ARHGAP15: variants seen among roughly 807,000 people sequenced by gnomAD.
ARHGAP15 encodes rho GTPase-activating protein 15.
A neutral mutation model predicts 63.7 loss-of-function variants in ARHGAP15; 51 were observed. The observed-to-expected ratio is 0.80, with a 90% confidence interval of 0.64 to 1.01. ARHGAP15 has a LOEUF of 1.01. Among genes scored for constraint, ARHGAP15 ranks in the 50% least tolerant of loss-of-function variants. ARHGAP15 has a pLI of 0.00. For missense variants in ARHGAP15, 560 were observed against 564.6 expected (o/e 0.99, Z 0.08); for synonymous variants, 191 against 193.8 (o/e 0.99, Z 0.12).
At chr2:143,448,735 G>A (rs1690259291) in intron 8 of ARHGAP15, among the ~76,000 whole-genome samples, 1 of 151,320 alleles carries the variant, frequency 6.6e-6, no homozygotes, top group Admixed American at 6.6e-5. Context: ...ATAATCCATG[G>A]ACCAACAATG....
At chr2:143,601,908 A>G (rs1217461084) in intron 11 of ARHGAP15, among the ~76,000 whole-genome samples, 1 of 152,190 alleles carries the variant, frequency 6.6e-6, no homozygotes, top group African/African-American at 2.4e-5. Context: ...TTTACAAGAT[A>G]TATATTTCAA....
chr2:143,186,944 G>A (rs2105081275), intron 2 of ARHGAP15, among the ~76,000 whole-genome samples: 1 of 152,238 alleles, frequency 6.6e-6, no homozygotes, highest in South Asian at 2.1e-4. Flanking sequence ...ATATGAAATG[G>A]TGTTAAGTAG....
At chr2:143,458,323 A>T (rs1287723613) in intron 8 of ARHGAP15, among the ~76,000 whole-genome samples, 1 of 152,186 alleles carries the variant, frequency 6.6e-6, no homozygotes, top group African/African-American at 2.4e-5. Context: ...ACACATGCCA[A>T]CACCGCTGTG....
At chr2:143,569,818 A>T (rs76089665) in intron 11 of ARHGAP15, among the ~76,000 whole-genome samples, 4 of 152,206 alleles carry the variant, frequency 2.6e-5, no homozygotes, top group African/African-American at 7.2e-5. Context: ...TAGCACAGTC[A>T]AGCTATAATA....
chr2:143,307,001 G>A (rs1028310720), intron 6 of ARHGAP15, among the ~76,000 whole-genome samples: 1 of 152,070 alleles, frequency 6.6e-6, no homozygotes. Context: ...CTCCTCTGAG[G>A]CTCAGGGTCC....
intron 6 of ARHGAP15, among the ~76,000 whole-genome samples, chr2:143,289,962 C>T (rs1263197932): frequency 6.6e-6 from 1 of 152,124 alleles, no homozygotes; most frequent in Non-Finnish European, 1.5e-5. Flanking sequence ...AATGAAAGGA[C>T]TTTCTTAAAT....
At chr2:143,160,146 G>T (rs1690233507) in intron 2 of ARHGAP15, among the ~76,000 whole-genome samples, 1 of 151,828 alleles carries the variant, frequency 6.6e-6, no homozygotes, top group Non-Finnish European at 1.5e-5. Context: ...ATCTAGCTCT[G>T]TAGTACAGGC....
intron 12 of ARHGAP15, among the ~76,000 whole-genome samples, chr2:143,650,378 C>G (rs149203976): frequency 6.6e-6 from 1 of 151,868 alleles, no homozygotes; most frequent in Admixed American, 6.6e-5. Flanking sequence ...AGTCACGTGT[C>G]CGCTCAGATC....
At chr2:143,404,492 A>G (rs1688118619) in intron 6 of ARHGAP15, among the ~76,000 whole-genome samples, 1 of 151,970 alleles carries the variant, frequency 6.6e-6, no homozygotes, top group Non-Finnish European at 1.5e-5. Context: ...ATATTTTTTC[A>G]GGAGCATGTT....
chr2:143,319,418 C>T (rs1054119741), intron 6 of ARHGAP15, among the ~76,000 whole-genome samples: 3 of 151,976 alleles, frequency 2.0e-5, no homozygotes, highest in Non-Finnish European at 4.4e-5. Flanking sequence ...GATGAGGTTT[C>T]ACCATGTTAG....
chr2:143,677,096 A>G (rs1682866153), intron 12 of ARHGAP15, among the ~76,000 whole-genome samples: 1 of 152,220 alleles, frequency 6.6e-6, no homozygotes, highest in African/African-American at 2.4e-5. Context: ...TTGATCATAC[A>G]TGGTTCCAGT....
intron 2 of ARHGAP15, among the ~76,000 whole-genome samples, chr2:143,179,910 C>A (rs1691166471): frequency 1.4e-5 from 2 of 144,916 alleles, no homozygotes; most frequent in African/African-American, 4.9e-5. Flanking sequence ...AAAATGCATA[C>A]CTTAATTTAA....
At chr2:143,139,068 G>A (rs1435682456) in intron 1 of ARHGAP15, among the ~76,000 whole-genome samples, 1 of 151,768 alleles carries the variant, frequency 6.6e-6, no homozygotes, top group African/African-American at 2.4e-5. Context: ...CTCAAATACG[G>A]TCCTTAAATT....
Position 143,487,514 on chromosome 2 carries a change from T to C in ARHGAP15, c.826+19T>C, listed in dbSNP as rs941129864. 1 of 1,609,108 alleles carries C rather than the reference T, an allele frequency of 6.2e-7. No individual in the cohort carries two copies. The highest frequency in any genetic ancestry group is 1.3e-5 in the African/African-American group (1 of 74,658). ...ATTAAAGGTACAGGTCATTTTATAC[T>C]TGTACTATAACTGTGATAAATGAAT... On this transcript the variant is annotated intron_variant, in intron 9 of 13. Coordinates refer to ENST00000295095, the MANE Select transcript of ARHGAP15 (RefSeq NM_018460.4).
intron 6 of ARHGAP15, among the ~76,000 whole-genome samples, chr2:143,299,634 T>C (rs959623924): frequency 3.3e-5 from 5 of 151,958 alleles, no homozygotes; most frequent in Middle Eastern, 3.2e-3. Flanking sequence ...CATGGTACTC[T>C]CTCTCCTTTT....
At chr2:143,239,634 C>A (rs953958201) in intron 5 of ARHGAP15, among the ~76,000 whole-genome samples, 3 of 152,170 alleles carry the variant, frequency 2.0e-5, no homozygotes, top group Non-Finnish European at 4.4e-5. Flanking sequence ...TAAAAGGCCT[C>A]ATTAAAATAA....
At chr2:143,208,959 G>T (rs555593087) in intron 3 of ARHGAP15, among the ~76,000 whole-genome samples, 122 of 152,252 alleles carry the variant, frequency 8.0e-4, no homozygotes, top group African/African-American at 2.8e-3. Flanking sequence ...AGCTCAGGAA[G>T]TTGCTATGGC....
chr2:143,636,851 G>A (rs970006237), intron 12 of ARHGAP15, among the ~76,000 whole-genome samples: 2 of 152,070 alleles, frequency 1.3e-5, no homozygotes, highest in Non-Finnish European at 2.9e-5. Context: ...AGAGTGTGTG[G>A]CTTAAATAAT....
chr2:143,421,900 G>C (rs566791582), intron 6 of ARHGAP15, among the ~76,000 whole-genome samples: 3 of 151,528 alleles, frequency 2.0e-5, no homozygotes, highest in Non-Finnish European at 2.9e-5. Context: ...AAAGAGAAAG[G>C]GGGGGAGAGA....
Sources: gnomAD v4.1 joint callset for allele counts (sites outside exome capture counted in the v4.1 genomes callset) on GRCh38, gnomAD v4.1.1 for gene constraint, MANE v1.5 for transcripts, NCBI Gene and HGNC (gene_info 2026-07-23, HGNC 2026-07-21) for gene names.